Variants in ANKRD17 observed in about 807,000 individuals in gnomAD.
The protein encoded by ANKRD17 is ankyrin repeat domain-containing protein 17.
In ANKRD17, 19 loss-of-function variants were observed where a neutral mutation model predicts 229.7. The observed-to-expected ratio is 0.08, with a 90% CI of 0.06 to 0.12. The LOEUF is 0.12. Ranked by LOEUF, ANKRD17 falls within the 10% of genes least tolerant of loss-of-function variation. The probability of loss-of-function intolerance (pLI) is 1.00; values close to 1 mark genes in which losing one functional copy is unlikely to be tolerated. For missense variants in ANKRD17, 2,176 were observed against 3,176.8 expected (o/e 0.68, Z 7.57); for synonymous variants, 1,112 against 1,146.1 (o/e 0.97, Z 0.60).
chr4:73,240,032 TA>T (rs1356607506), intron 1 of ANKRD17, among the ~76,000 whole-genome samples: 1 of 150,958 alleles, frequency 6.6e-6, no homozygotes, highest in East Asian at 1.9e-4. Context: ...TTGAAATAGA[TA>T]AAATAAACAG....
chr4:73,199,146 C>T (rs181754664), intron 1 of ANKRD17, among the ~76,000 whole-genome samples: 598 of 152,036 alleles, frequency 3.9e-3, no homozygotes, highest in Non-Finnish European at 7.3e-3. Context: ...AAGTCATCTC[C>T]ATGAGTGCCC....
chr4:73,108,929 G>A (rs1428320526), intron 24 of ANKRD17, among the ~76,000 whole-genome samples: 1 of 152,134 alleles, frequency 6.6e-6, no homozygotes, highest in East Asian at 1.9e-4. Context: ...AGAAAGAAAA[G>A]GAATTGCTAC....
At chr4:73,113,422 T>G in intron 24 of ANKRD17, 1 of 1,274,072 alleles carries the variant, frequency 7.8e-7, no homozygotes, top group African/African-American at 1.5e-5. Context: ...ATTTGGTACT[T>G]GTGATAAACC....
At chr4:73,161,967 CTT>C (rs993977954) in intron 2 of ANKRD17, among the ~76,000 whole-genome samples, 3 of 151,850 alleles carry the variant, frequency 2.0e-5, no homozygotes, top group African/African-American at 4.8e-5. Context: ...GTCATGAACT[CTT>C]GGGCTCAAGT....
intron 24 of ANKRD17, among the ~76,000 whole-genome samples, chr4:73,108,177 A>G (rs1250315041): frequency 6.6e-6 from 1 of 152,116 alleles, no homozygotes; most frequent in Non-Finnish European, 1.5e-5. Flanking sequence ...TGGAGTATAG[A>G]GAGAAATTAA....
chr4:73,143,833 T>C (rs1012074055), intron 11 of ANKRD17, among the ~76,000 whole-genome samples: 1 of 152,154 alleles, frequency 6.6e-6, no homozygotes, highest in Non-Finnish European at 1.5e-5. Context: ...CTTGAACTCC[T>C]GAGCCCAAGT....
chr4:73,161,124 A>T, intron 3 of ANKRD17, 68 bp downstream of exon 3: 1 of 1,560,232 alleles, frequency 6.4e-7, no homozygotes, highest in Non-Finnish European at 8.7e-7. Flanking sequence ...ATGCTCAGTA[A>T]ATGTTAGCTA....
At chr4:73,101,912 A>G (rs1724050373) in intron 25 of ANKRD17, among the ~76,000 whole-genome samples, 1 of 151,640 alleles carries the variant, frequency 6.6e-6, no homozygotes, top group Non-Finnish European at 1.5e-5. Flanking sequence ...TCAGTCAACA[A>G]AAAAAAAGCA....
At chr4:73,113,167 T>C (rs1055420052) in intron 24 of ANKRD17, 9 of 1,269,232 alleles carry the variant, frequency 7.1e-6, no homozygotes, top group Non-Finnish European at 7.1e-6. Context: ...ATGATTACTA[T>C]TCAGTTAAGT....
At chr4:73,235,769 T>C (rs535489558) in intron 1 of ANKRD17, among the ~76,000 whole-genome samples, 39 of 152,272 alleles carry the variant, frequency 2.6e-4, no homozygotes, top group Admixed American at 4.6e-4. Context: ...TAAAAACCAA[T>C]TATCTCTTTA....
chr4:73,231,483 C>T (rs1407745432), intron 1 of ANKRD17, among the ~76,000 whole-genome samples: 2 of 152,154 alleles, frequency 1.3e-5, no homozygotes, highest in African/African-American at 4.8e-5. Context: ...TCATAACAAA[C>T]CTTGAATGGT....
intron 24 of ANKRD17, among the ~76,000 whole-genome samples, chr4:73,103,405 C>T (rs1724234560): frequency 6.6e-6 from 1 of 152,122 alleles, no homozygotes; most frequent in African/African-American, 2.4e-5. Context: ...CTTTATATAA[C>T]TATACAGTGT....
chr4:73,235,179 T>A (rs1240778986), intron 1 of ANKRD17, among the ~76,000 whole-genome samples: 3 of 152,308 alleles, frequency 2.0e-5, no homozygotes, highest in African/African-American at 7.2e-5. Context: ...GGGAATGTAT[T>A]CATGTGCTTT....
chr4:73,119,972 G>A (rs1427818769), intron 21 of ANKRD17, among the ~76,000 whole-genome samples, 190 bp downstream of exon 21: 1 of 152,158 alleles, frequency 6.6e-6, no homozygotes, highest in African/African-American at 2.4e-5. Flanking sequence ...AGGTTACACA[G>A]AAACAAATCA....
chr4:73,141,993 C>G (rs1729671011), intron 13 of ANKRD17, 150 bp from the exon 14 acceptor site: 1 of 854,332 alleles, frequency 1.2e-6, no homozygotes. Context: ...ATGTTGGCAC[C>G]AAATTGTTTA....
In ANKRD17 at chr4:73,258,539, T is replaced by C. The variant is rs745337602; in HGVS notation, c.130A>G (p.Arg44Gly). ...CGAGGAGACGAGGCCGAGCGAGCTC[T>C]GCTGCTGCCGCCAACGCCGCCGCCG... is the stretch of plus-strand genomic sequence containing the variant. ...EVGGGVGGSS[R>G]ARSASSPRGM... The change falls in exon 1 of 34, where the codon AGA becomes GGA. Residue 44 changes from arginine to glycine, a missense_variant. Physicochemically the swap from Arg to Gly is moderately radical, Grantham distance 125 (BLOSUM62 -2). Transcript: ENST00000358602. 6.0e-6 allele frequency: 9 copies of C among 1,501,072 alleles called. No individual in the cohort carries two copies. The South Asian group carries it at 7.5e-5, about 13-fold the overall frequency. The allele number at this position is 1,501,072 out of a possible 1,614,324, so 93.0% of individuals were successfully genotyped here.
Position 73,085,400 on chromosome 4 carries a change from TGAA to T in ANKRD17, c.7005_7007del (p.Ser2336del). On this transcript the variant is annotated inframe_deletion, in exon 30 of 34. Coordinates refer to ENST00000358602, the MANE Select transcript of ANKRD17 (RefSeq NM_032217.5). ...TTGAAGCAAAGTTTCCCAAATGTGT[TGAA>T]GAAGGTGTTACAGAACCATATGGCG... 2 of 1,614,092 alleles carry T rather than the reference TGAA, an allele frequency of 1.2e-6. No individual in the cohort carries two copies. The highest frequency in any genetic ancestry group is 1.7e-6 in the Non-Finnish European group (2 of 1,180,022).
chr4:73,239,822 C>T (rs911236945), intron 1 of ANKRD17, among the ~76,000 whole-genome samples: 1 of 152,068 alleles, frequency 6.6e-6, no homozygotes, highest in Admixed American at 6.6e-5. Context: ...CACAGTTTAA[C>T]ATTTGGTGAA....
At chr4:73,175,339 T>A (rs1734589991) in intron 2 of ANKRD17, among the ~76,000 whole-genome samples, 1 of 152,140 alleles carries the variant, frequency 6.6e-6, no homozygotes, top group South Asian at 2.1e-4. Context: ...TGGGGGAAAC[T>A]GTCCCCATGA....
Sources: gnomAD v4.1 joint callset for allele counts (sites outside exome capture counted in the v4.1 genomes callset) on GRCh38, gnomAD v4.1.1 for gene constraint, MANE v1.5 for transcripts, NCBI Gene and HGNC (gene_info 2026-07-23, HGNC 2026-07-21) for gene names.